Variants in WWP2 observed in about 807,000 individuals in gnomAD.
The protein encoded by WWP2 is NEDD4-like E3 ubiquitin-protein ligase WWP2.
In WWP2, 57 loss-of-function variants were observed where a neutral mutation model predicts 121.0. The observed-to-expected ratio is 0.47, with a 90% CI of 0.38 to 0.59. WWP2 has a LOEUF of 0.59. Among genes scored for constraint, WWP2 ranks in the 20% least tolerant of loss-of-function variants. The pLI is 0.00. For synonymous variants in WWP2, 449 were observed against 441.3 expected, an observed-to-expected ratio of 1.02 and a Z score of -0.22; for missense variants, 962 against 1,158.9, an observed-to-expected ratio of 0.83 and a Z score of 2.47.
At chr16:69,804,576 C>G (rs1001359360) in intron 4 of WWP2, among the ~76,000 whole-genome samples, 2 of 152,132 alleles carry the variant, frequency 1.3e-5, no homozygotes, top group Admixed American at 1.3e-4. Context: ...TCTGTCTATG[C>G]TATTGTAAAA....
intron 6 of WWP2, among the ~76,000 whole-genome samples, chr16:69,853,707 G>T (rs2057259928): frequency 6.6e-6 from 1 of 152,210 alleles, no homozygotes; most frequent in African/African-American, 2.4e-5. Context: ...GTAGCGAATA[G>T]AGAGGAGACA....
chr16:69,850,750 G>A (rs2057193402), intron 6 of WWP2, among the ~76,000 whole-genome samples: 2 of 152,198 alleles, frequency 1.3e-5, no homozygotes, highest in South Asian at 2.1e-4. Context: ...GGATGATAGC[G>A]TAGCAAACTA....
chr16:69,887,499 G>A lies in WWP2; in HGVS notation c.704-540G>A, dbSNP rs146537494. The stretch of plus-strand genomic sequence containing the variant: ...TGGCTGACTGCAAACTCTGCCTCCC[G>A]GGTTCAAGCGATTCTCCTGCCTCAG... On this transcript the variant is annotated intron_variant, in intron 7 of 23. Transcript: ENST00000359154. 1.8e-3 allele frequency among the ~76,000 whole-genome samples: 273 copies of A among 152,088 alleles called. 2 individuals are homozygous for A. Among genetic ancestry groups the A allele is most frequent in the African/African-American group, 6.1e-3 (255 of 41,470 alleles).
chr16:69,871,995 G>T, intron 7 of WWP2, 64 bp downstream of exon 7: 1 of 1,552,940 alleles, frequency 6.4e-7, no homozygotes, highest in Non-Finnish European at 8.7e-7. Flanking sequence ...TTCTAACGTG[G>T]ACACGGGATC....
At chr16:69,848,696 C>T (rs1246196807) in intron 6 of WWP2, among the ~76,000 whole-genome samples, 1 of 148,164 alleles carries the variant, frequency 6.7e-6, no homozygotes, top group African/African-American at 2.5e-5. Flanking sequence ...AATTTATTTT[C>T]CTTTCTTATG....
intron 8 of WWP2, among the ~76,000 whole-genome samples, chr16:69,900,322 A>C (rs1302342525): frequency 6.6e-6 from 1 of 152,094 alleles, no homozygotes; most frequent in African/African-American, 2.4e-5. Flanking sequence ...TTATCTGCAA[A>C]AATGTTAAAA....
chr16:69,878,014 GC>G (rs1482717054), intron 7 of WWP2, among the ~76,000 whole-genome samples: 3 of 151,682 alleles, frequency 2.0e-5, no homozygotes, highest in Non-Finnish European at 4.4e-5. Flanking sequence ...TACCATGTTG[GC>G]CAGGCTGATC....
intron 6 of WWP2, among the ~76,000 whole-genome samples, chr16:69,863,541 AGG>A (rs1292903590): frequency 6.6e-6 from 1 of 152,178 alleles, no homozygotes. Flanking sequence ...AGGGAGGCCG[AGG>A]CAGGAGAATT....
At position 69,937,501 on chromosome 16, in the gene WWP2, G is replaced by A. The variant is rs375631034; in HGVS notation, c.2239-47G>A. ...TGTCAAGTGCTAGCGAGTGGACGAT[G>A]CGCGGGGAGGGACCTGCCGGGGATG... On this transcript the variant is annotated intron_variant, in intron 20 of 23. Transcript: ENST00000359154. The surrounding 1 kb of genome is among the most constrained non-coding windows in gnomAD (Gnocchi z 6.6). The A allele has an allele frequency of 5.0e-6, 8 of 1,595,378 alleles. No individual in the cohort carries two copies. The highest frequency in any genetic ancestry group is 6.9e-6 in the Non-Finnish European group (8 of 1,163,812).
chr16:69,909,842 T>C, intron 9 of WWP2: 1 of 453,012 alleles, frequency 2.2e-6, no homozygotes, highest in African/African-American at 2.1e-5. Flanking sequence ...AACATTTAGC[T>C]TCAAAAATTA....
intron 7 of WWP2, among the ~76,000 whole-genome samples, chr16:69,884,649 A>G (rs941019846): frequency 2.0e-5 from 3 of 152,146 alleles, no homozygotes; most frequent in Admixed American, 6.5e-5. Flanking sequence ...ACAAAAAACA[A>G]TGGATTGAAA....
chr16:69,870,361 C>T (rs1175714402), intron 6 of WWP2, among the ~76,000 whole-genome samples: 2 of 148,176 alleles, frequency 1.3e-5, no homozygotes, highest in African/African-American at 5.0e-5. Flanking sequence ...AATACAGTGA[C>T]GTGATCTTGG....
intron 6 of WWP2, among the ~76,000 whole-genome samples, chr16:69,862,708 C>CTTTTTTTT (rs546868069): frequency 2.6e-5 from 2 of 76,508 alleles, no homozygotes; most frequent in African/African-American, 5.8e-5. Context: ...GCCATGAATT[C>CTTTTTTTT]TTTTTTTTTT....
chr16:69,922,234 G>A (rs558388910), intron 10 of WWP2, among the ~76,000 whole-genome samples: 2 of 151,048 alleles, frequency 1.3e-5, no homozygotes, highest in Admixed American at 6.6e-5. Flanking sequence ...TTCTGCATCC[G>A]TCTGGTGCAT....
chr16:69,873,279 C>T (rs2151918560), intron 7 of WWP2, among the ~76,000 whole-genome samples: 1 of 152,360 alleles, frequency 6.6e-6, no homozygotes, highest in East Asian at 1.9e-4. Flanking sequence ...CATATGGGGG[C>T]TTCAGAGTCC....
chr16:69,898,566 T>C (rs563283811), intron 8 of WWP2, among the ~76,000 whole-genome samples: 216 of 152,248 alleles, frequency 1.4e-3, no homozygotes, highest in Non-Finnish European at 2.5e-3. Flanking sequence ...CTGATTACTA[T>C]TGAGATTGAA....
intron 8 of WWP2, among the ~76,000 whole-genome samples, chr16:69,903,783 AAAG>A (rs1273131105): frequency 1.1e-4 from 17 of 149,430 alleles, no homozygotes; most frequent in African/African-American, 3.6e-4. Flanking sequence ...AAAAAAAAAG[AAAG>A]AAAGAAAAAT....
chr16:69,799,333 G>A lies in WWP2; in HGVS notation c.340+38G>A, dbSNP rs770684268. 4.4e-5 allele frequency: 71 copies of A among 1,602,150 alleles called. 1 individual carries two copies. The South Asian group carries it at 7.9e-4, about 18-fold the overall frequency. ...AAGGGGGTGCCGACGTGATTCTTGG[G>A]TGGGGATGGGAGGACCTGGCAGATC... On this transcript the variant is annotated intron_variant, in intron 4 of 23. Coordinates refer to ENST00000359154, the MANE Select transcript of WWP2 (RefSeq NM_001270454.2). This position sits in a 1 kb window ranked among gnomAD's most constrained non-coding sequence, Gnocchi z 4.5.
intron 8 of WWP2, among the ~76,000 whole-genome samples, chr16:69,900,127 A>G (rs372830305): frequency 6.6e-6 from 1 of 152,278 alleles, no homozygotes; most frequent in African/African-American, 2.4e-5. Flanking sequence ...TTTGACACCT[A>G]ATTATTTCTT....
Sources: allele counts gnomAD v4.1 joint callset (sites outside exome capture counted in the v4.1 genomes callset), GRCh38; gene constraint gnomAD v4.1.1; non-coding constraint Gnocchi (gnomAD v3.1); transcripts MANE v1.5; gene names NCBI Gene and HGNC (gene_info 2026-07-23, HGNC 2026-07-21).